The following FOXD4L1 variants were observed in gnomAD, a reference collection of about 807,000 sequenced individuals.
FOXD4L1 encodes forkhead box protein D4-like 1.
A neutral mutation model predicts 24.8 loss-of-function variants in FOXD4L1; 10 were observed. The ratio of observed to expected loss-of-function variants is 0.40; its 90% CI spans 0.25 to 0.68. FOXD4L1 has a LOEUF of 0.68. FOXD4L1 is among the 30% of genes least tolerant of loss of function. The pLI is 0.37. For synonymous variants in FOXD4L1, 159 were observed against 256.4 expected (o/e 0.62, Z 3.63); for missense variants, 364 against 572.4 (o/e 0.64, Z 3.72).
In FOXD4L1 at chr2:113,499,588, C is replaced by A; in HGVS notation, c.332C>A (p.Ser111Ter). 1 of 1,611,160 alleles carries A rather than the reference C, an allele frequency of 6.2e-7. No individual in the cohort carries two copies. The highest frequency in any genetic ancestry group is 1.3e-5 in the African/African-American group (1 of 74,450). ...CGGCAGCCGGCAAAGCCCCCCTACTCGTACATCGCGCTCATCACCATGGCC... is the reference window on the plus strand; with the variant it reads ...CGGCAGCCGGCAAAGCCCCCCTACTAGTACATCGCGCTCATCACCATGGCC... The change falls in exon 1 of 1, where the codon TCG becomes TAG. Residue 111 changes from serine to a stop codon, truncating the protein, a stop_gained. Transcript: ENST00000306507. LOFTEE classifies it high-confidence loss of function.
rs1573815039 is a variant in FOXD4L1, at chr2:113,499,159, C to T, written c.-98C>T. 1.4e-5 allele frequency: 23 copies of T among 1,603,328 alleles called. No homozygotes were observed. In the East Asian group the frequency reaches 4.9e-4, roughly 34 times the overall value. On this transcript the variant is annotated 5_prime_UTR_variant, in exon 1 of 1. Coordinates refer to ENST00000306507, the Ensembl canonical transcript of FOXD4L1. ...TCCCAAAGGGTAACCACTAGCGTTC[C>T]TGCTTCTTGCAACATTCATCCCAGG...
chr2:113,499,192 C>T (rs1389276022), exon 1 of FOXD4L1: 177 of 1,611,612 alleles, frequency 1.1e-4, no homozygotes, highest in Non-Finnish European at 1.5e-4. Context: ...AGGCTTCCAG[C>T]TCAGCCCGCC....
At chr2:113,499,627 C>G (rs563800906) in exon 1 of FOXD4L1, 2 of 1,612,306 alleles carry the variant, frequency 1.2e-6, no homozygotes, top group East Asian at 2.2e-5. Flanking sequence ...CTGCAAAGCC[C>G]GCACAAGCGC....
At chr2:113,499,158 C>A in exon 1 of FOXD4L1, 1 of 1,601,284 alleles carries the variant, frequency 6.2e-7, no homozygotes, top group South Asian at 1.1e-5. Flanking sequence ...CACTAGCGTT[C>A]CTGCTTCTTG....
exon 1 of FOXD4L1, chr2:113,499,269 A>C: frequency 6.2e-7 from 1 of 1,606,906 alleles, no homozygotes; most frequent in Non-Finnish European, 8.5e-7. Context: ...GAACCTGCCA[A>C]GAGCTGAGCG....
chr2:113,499,233 T>C (rs1198089372), exon 1 of FOXD4L1: 1 of 1,611,692 alleles, frequency 6.2e-7, no homozygotes, highest in East Asian at 2.2e-5. Context: ...CCACATCCCC[T>C]GCGACTGAAG....
In FOXD4L1 at chr2:113,499,980, C is replaced by G; in HGVS notation, c.724C>G (p.Pro242Ala). 9 of 1,533,584 alleles carry G rather than the reference C, an allele frequency of 5.9e-6. 3 individuals are homozygous for G. Among genetic ancestry groups the G allele is most frequent in the Non-Finnish European group, 7.9e-6 (9 of 1,137,444 alleles). The allele number at this position is 1,533,584 out of a possible 1,614,324, so 95.0% of individuals were successfully genotyped here. The change falls in exon 1 of 1, where the codon CCG becomes GCG. Residue 242 changes from proline (P) to alanine (A), a missense_variant. By Grantham distance (27) the Pro-to-Ala change is conservative. Transcript: ENST00000306507. ...CCCTCTGCTTGGGGCCCCTGCCCTG[C>G]CGCAGCCAGTCCCGGGGGCCTACCC...
At chr2:113,500,218 G>A (rs774207900) in exon 1 of FOXD4L1, 2 of 1,557,980 alleles carry the variant, frequency 1.3e-6, no homozygotes, top group Non-Finnish European at 1.7e-6. Flanking sequence ...GGAGGCGGAT[G>A]CATCTCTTTC....
At chr2:113,499,362 G>A in exon 1 of FOXD4L1, 1 of 1,610,312 alleles carries the variant, frequency 6.2e-7, no homozygotes, top group Non-Finnish European at 8.5e-7. Context: ...GGAGGAAGAT[G>A]AAGACGAGGT....
In FOXD4L1 at chr2:113,500,753, C is replaced by T. The variant is rs535624823; in HGVS notation, c.*270C>T. ...TACGTTCCTCTAAAAACCACCTGAA[C>T]GTAACCTTCGCAGGGCGTCAAGTCA... On this transcript the variant is annotated 3_prime_UTR_variant, in exon 1 of 1. Transcript: ENST00000306507. 2.0e-5 allele frequency: 17 copies of T among 841,142 alleles called. 3 individuals are homozygous for T. The highest frequency in any genetic ancestry group is 1.8e-4 in the Admixed American group (5 of 28,028). 52.1% of individuals were successfully genotyped at this position (841,142 alleles called of 1,614,324 possible).
At chr2:113,500,412 C>T (rs1487363060) in exon 1 of FOXD4L1, 1 of 1,519,084 alleles carries the variant, frequency 6.6e-7, no homozygotes, top group Non-Finnish European at 8.9e-7. Flanking sequence ...CCACCAAGGG[C>T]GCGGTGCTGG....
Position 113,499,300 on chromosome 2 carries a change from G to T in FOXD4L1, c.44G>T (p.Arg15Leu), listed in dbSNP as rs779462027. Residue 15 changes from arginine (R) to leucine (L), a missense_variant, in exon 1 of 1, where the codon CGC (arginine) becomes CTC (leucine). By Grantham distance (102) the Arg-to-Leu change is moderately radical. Transcript: ENST00000306507. ...GAGCGCCCTCGCTCCACACCGCAGC[G>T]CAGCCTCCGGGACTCCGATGGGGAA... 13 of 1,606,048 alleles carry T rather than the reference G, an allele frequency of 8.1e-6. 2 individuals are homozygous for T. Among genetic ancestry groups the T allele is most frequent in the Non-Finnish European group, 1.1e-5 (13 of 1,175,934 alleles).
exon 1 of FOXD4L1, chr2:113,499,412 G>A: frequency 6.2e-7 from 1 of 1,606,614 alleles, no homozygotes; most frequent in African/African-American, 1.3e-5. Context: ...AGTTCCTAGA[G>A]CAGTCGCTCC....
Position 113,500,513 on chromosome 2 carries a change from G to T in FOXD4L1, c.*30G>T, listed in dbSNP as rs772565502. 1.7e-5 allele frequency: 26 copies of T among 1,515,318 alleles called. 3 individuals are homozygous for T. The highest frequency in any genetic ancestry group is 2.3e-5 in the Non-Finnish European group (26 of 1,123,940). 93.9% of individuals were successfully genotyped at this position (1,515,318 alleles called of 1,614,324 possible). ...ACATCGCTGGCTGCCCCTTTGGGCG[G>T]AGAGGGGACCTCACCAGTTTTTTTA... On this transcript the variant is annotated 3_prime_UTR_variant, in exon 1 of 1. Coordinates refer to ENST00000306507, the Ensembl canonical transcript of FOXD4L1.
chr2:113,498,877 C>G, exon 1 of FOXD4L1: 2 of 412,872 alleles, frequency 4.8e-6, no homozygotes, highest in South Asian at 2.6e-5. Flanking sequence ...CTGGCTGCAC[C>G]GGATGAGTAG....
At chr2:113,500,763 GCAGGGCGTCAAGTCA>G (rs1573816845) in exon 1 of FOXD4L1, 1 of 781,624 alleles carries the variant, frequency 1.3e-6, no homozygotes, top group East Asian at 4.0e-5. Flanking sequence ...CGTAACCTTC[GCAGGGCGTCAAGTCA>G]TCTTTTCTTG....
exon 1 of FOXD4L1, chr2:113,499,035 G>A: frequency 1.4e-6 from 1 of 701,896 alleles, no homozygotes; most frequent in Non-Finnish European, 2.4e-6. Flanking sequence ...TATAAAGGGG[G>A]GAGTCCACCA....
At chr2:113,500,259 G>C in exon 1 of FOXD4L1, 1 of 1,553,060 alleles carries the variant, frequency 6.4e-7, no homozygotes, top group South Asian at 1.1e-5. Flanking sequence ...AGGGGTCAGG[G>C]GAGCGGGTAC....
At position 113,500,341 on chromosome 2, in the gene FOXD4L1, C is replaced by T. The variant is rs1334032253; in HGVS notation, c.1085C>T (p.Ser362Leu). The T allele has an allele frequency of 5.3e-6, 8 of 1,520,054 alleles. 1 individual carries two copies. The African/African-American group carries it at 1.1e-4, about 21-fold the overall frequency. 94.2% of individuals were successfully genotyped at this position (1,520,054 alleles called of 1,614,324 possible). The change falls in exon 1 of 1, where the codon TCG (serine) becomes TTG (leucine). Residue 362 changes from serine to leucine, a missense_variant. Coordinates refer to ENST00000306507, the Ensembl canonical transcript of FOXD4L1. ...CTGCTCCAGCGACCGTCAAGCCTGTCGGACAATTTTGCAGCAACAGCAGCA... is the reference window on the plus strand; with the variant it reads ...CTGCTCCAGCGACCGTCAAGCCTGTTGGACAATTTTGCAGCAACAGCAGCA...
Sources: gnomAD v4.1 joint callset for allele counts on GRCh38, gnomAD v4.1.1 for gene constraint, MANE v1.5 for transcripts, NCBI Gene and HGNC (gene_info 2026-07-23, HGNC 2026-07-21) for gene names.